SHISA9: variants seen among roughly 807,000 people sequenced by gnomAD.
SHISA9 encodes protein shisa-9.
A neutral mutation model predicts 38.0 loss-of-function variants in SHISA9; 13 were observed. That is an observed-to-expected ratio of 0.34 (90% confidence interval 0.22 to 0.54). The LOEUF (loss-of-function observed/expected upper bound fraction) is 0.54, where lower values mean the gene tolerates loss of function less well. Among genes scored for constraint, SHISA9 ranks in the 20% least tolerant of loss-of-function variants. The pLI is 0.91. For missense variants in SHISA9, 538 were observed against 575.8 expected, an observed-to-expected ratio of 0.93 and a Z score of 0.67; for synonymous variants, 275 against 242.0, an observed-to-expected ratio of 1.14 and a Z score of -1.27.
At chr16:13,065,231 G>A (rs2073420964) in intron 2 of SHISA9, among the ~76,000 whole-genome samples, 1 of 152,092 alleles carries the variant, frequency 6.6e-6, no homozygotes. Flanking sequence ...TATTGCCACT[G>A]ACCTTCTTCT....
intron 2 of SHISA9, among the ~76,000 whole-genome samples, chr16:12,939,680 T>A (rs1235072445): frequency 6.6e-6 from 1 of 152,148 alleles, no homozygotes; most frequent in Non-Finnish European, 1.5e-5. Flanking sequence ...CATCAACTTT[T>A]CCCAACCTTC....
chr16:13,043,196 G>A (rs544818442), intron 2 of SHISA9, among the ~76,000 whole-genome samples: 1 of 152,242 alleles, frequency 6.6e-6, no homozygotes, highest in East Asian at 1.9e-4. Context: ...AGTAAGTGGT[G>A]GGGGGAATGG....
the SHISA9 span, among the ~76,000 whole-genome samples, chr16:13,531,166 G>A: frequency 2.0e-5 from 3 of 152,090 alleles, no homozygotes; most frequent in Admixed American, 6.5e-5. Flanking sequence ...GTCAGCTGGG[G>A]TTGCAATTTC....
intron 2 of SHISA9, among the ~76,000 whole-genome samples, chr16:13,139,398 C>CTTCCTTCCTTCT (rs1555465051): frequency 3.0e-5 from 3 of 100,358 alleles, no homozygotes; most frequent in African/African-American, 8.8e-5. Flanking sequence ...TCCTTCTTTC[C>CTTCCTTCCTTCT]TTCCTTCCTT....
intron 2 of SHISA9, among the ~76,000 whole-genome samples, chr16:13,037,374 C>T (rs950101017): frequency 7.9e-5 from 12 of 151,406 alleles, no homozygotes; most frequent in African/African-American, 2.4e-4. Flanking sequence ...TTCTCTCTCT[C>T]GGTTCTCATA....
chr16:12,939,914 T>C (rs2071586764), intron 2 of SHISA9, among the ~76,000 whole-genome samples: 2 of 152,194 alleles, frequency 1.3e-5, no homozygotes, highest in Non-Finnish European at 2.9e-5. Context: ...TATATTCAAA[T>C]TTGACAGCCT....
intron 2 of SHISA9, among the ~76,000 whole-genome samples, chr16:13,003,264 G>T (rs1414462150): frequency 6.6e-6 from 1 of 152,154 alleles, no homozygotes; most frequent in East Asian, 1.9e-4. Context: ...GGGGAACCAT[G>T]GACATGTTTC....
intron 2 of SHISA9, among the ~76,000 whole-genome samples, chr16:12,979,048 A>T (rs549472379): frequency 1.3e-5 from 2 of 152,110 alleles, no homozygotes; most frequent in African/African-American, 4.8e-5. Flanking sequence ...TCTCCTCCCA[A>T]TCTCCACGTC....
the SHISA9 span, among the ~76,000 whole-genome samples, chr16:13,301,650 CCTAA>C: frequency 1.3e-5 from 2 of 152,042 alleles, no homozygotes; most frequent in African/African-American, 2.4e-5. Flanking sequence ...TATTTAATTT[CCTAA>C]CTGAGTTGAC....
chr16:13,055,948 C>G (rs1411026582), intron 2 of SHISA9, among the ~76,000 whole-genome samples: 1 of 152,218 alleles, frequency 6.6e-6, no homozygotes, highest in Non-Finnish European at 1.5e-5. Flanking sequence ...CAGCTAGATG[C>G]ACAGACTGTT....
intron 2 of SHISA9, among the ~76,000 whole-genome samples, chr16:12,958,032 C>T (rs1396161781): frequency 6.6e-6 from 1 of 152,196 alleles, no homozygotes; most frequent in East Asian, 1.9e-4. Context: ...TTTGGTGGTG[C>T]ACATTCAGTT....
At chr16:12,966,518 G>A (rs576723653) in intron 2 of SHISA9, among the ~76,000 whole-genome samples, 1 of 152,232 alleles carries the variant, frequency 6.6e-6, no homozygotes. Context: ...GCCTCCCAAA[G>A]TGTTGTGATT....
At chr16:13,075,188 G>A (rs571266555) in intron 2 of SHISA9, among the ~76,000 whole-genome samples, 1 of 152,164 alleles carries the variant, frequency 6.6e-6, no homozygotes, top group Admixed American at 6.5e-5. Flanking sequence ...TGGGAGGTAG[G>A]ACCACTGTGG....
At chr16:13,365,231 A>C in the SHISA9 span, among the ~76,000 whole-genome samples, 2 of 152,296 alleles carry the variant, frequency 1.3e-5, no homozygotes, top group African/African-American at 2.4e-5. Flanking sequence ...CACATTCATA[A>C]TAAGGGACTG....
intron 4 of SHISA9, among the ~76,000 whole-genome samples, chr16:13,222,815 T>TATATATATATATATATATATAC (rs1430368739): frequency 2.8e-5 from 2 of 70,924 alleles, no homozygotes; most frequent in African/African-American, 1.9e-4. Flanking sequence ...TATATATACA[T>TATATATATATATATATATATAC]ACACACACCA....
At chr16:13,516,619 GTGAAA>G in the SHISA9 span, among the ~76,000 whole-genome samples, 1 of 152,064 alleles carries the variant, frequency 6.6e-6, no homozygotes, top group African/African-American at 2.4e-5. Flanking sequence ...GGCCAACATG[GTGAAA>G]CCCCATCTCT....
chr16:12,908,922 G>C, intron 1 of SHISA9: 1 of 1,016,964 alleles, frequency 9.8e-7, no homozygotes, highest in Non-Finnish European at 1.2e-6. Context: ...GCAGATAAGG[G>C]TCCTGTGTGT....
At chr16:12,953,159 G>C (rs2071781787) in intron 2 of SHISA9, among the ~76,000 whole-genome samples, 1 of 148,640 alleles carries the variant, frequency 6.7e-6, no homozygotes, top group East Asian at 2.0e-4. Flanking sequence ...TGGCCCTTGA[G>C]AGGAACCTTA....
chr16:13,113,001 G>C (rs989782309), intron 2 of SHISA9, among the ~76,000 whole-genome samples: 2 of 152,006 alleles, frequency 1.3e-5, no homozygotes, highest in Admixed American at 1.3e-4. Context: ...CTTGACGTCA[G>C]AGGTTTGAAA....
Sources: gnomAD v4.1 joint callset for allele counts (sites outside exome capture counted in the v4.1 genomes callset) on GRCh38, gnomAD v4.1.1 for gene constraint, MANE v1.5 for transcripts, NCBI Gene and HGNC (gene_info 2026-07-23, HGNC 2026-07-21) for gene names.